Variants in NTM observed in about 807,000 individuals in gnomAD.
NTM encodes the protein IgLON family member 2.
Under a neutral mutation model 42.1 loss-of-function variants are expected in NTM, and 13 were observed. The ratio of observed to expected loss-of-function variants is 0.31; its 90% CI spans 0.20 to 0.49. NTM has a LOEUF of 0.49. Among genes scored for constraint, NTM ranks in the 20% least tolerant of loss-of-function variants. The pLI, the probability that NTM is intolerant of heterozygous loss-of-function variation, is 0.99. For synonymous variants in NTM, 187 were observed against 179.2 expected, an observed-to-expected ratio of 1.04 and a Z score of -0.35; for missense variants, 373 against 452.8, an observed-to-expected ratio of 0.82 and a Z score of 1.60.
chr11:131,472,332 C>G (rs903791072), intron 1 of NTM, among the ~76,000 whole-genome samples: 2 of 152,092 alleles, frequency 1.3e-5, no homozygotes, highest in Non-Finnish European at 2.9e-5. Flanking sequence ...TTTGGGAAGA[C>G]CAGGGACAGA....
chr11:131,605,793 A>G (rs1028617082), intron 1 of NTM: 1 of 985,040 alleles, frequency 1.0e-6, no homozygotes, highest in East Asian at 1.1e-4. Context: ...ATTTGAAGTC[A>G]GCTTCAACAG....
intron 1 of NTM, among the ~76,000 whole-genome samples, chr11:131,594,579 T>C (rs149900523): frequency 3.3e-5 from 5 of 151,720 alleles, no homozygotes; most frequent in Admixed American, 3.3e-4. Flanking sequence ...AAAAAAAAAT[T>C]CTTGAGATGG....
chr11:132,057,798 T>C (rs1195062540), intron 2 of NTM, among the ~76,000 whole-genome samples: 2 of 152,200 alleles, frequency 1.3e-5, no homozygotes, highest in African/African-American at 4.8e-5. Flanking sequence ...TTACTCAAAA[T>C]ATCCTGCAGC....
intron 7 of NTM, among the ~76,000 whole-genome samples, chr11:132,328,307 A>T (rs1160709133): frequency 6.6e-6 from 1 of 152,184 alleles, no homozygotes; most frequent in East Asian, 1.9e-4. Flanking sequence ...AGGTTGAACA[A>T]CTGCTACCTG....
chr11:131,678,437 T>G (rs1279306947), intron 1 of NTM, among the ~76,000 whole-genome samples: 1 of 152,238 alleles, frequency 6.6e-6, no homozygotes, highest in Non-Finnish European at 1.5e-5. Flanking sequence ...TGAGGGCAGC[T>G]GAGGCCCCAA....
At chr11:132,282,268 C>T (rs1040726227) in intron 4 of NTM, among the ~76,000 whole-genome samples, 16 of 152,160 alleles carry the variant, frequency 1.1e-4, no homozygotes, top group African/African-American at 3.4e-4. Flanking sequence ...TTGTTGTAAA[C>T]ATTTTTAAAA....
At chr11:131,588,232 T>G (rs940795048) in intron 1 of NTM, among the ~76,000 whole-genome samples, 2 of 152,228 alleles carry the variant, frequency 1.3e-5, no homozygotes, top group African/African-American at 4.8e-5. Flanking sequence ...TTTGGTCCCT[T>G]GCCAAGCAGG....
At chr11:132,166,508 TAG>T (rs927966928) in intron 3 of NTM, among the ~76,000 whole-genome samples, 34 of 152,242 alleles carry the variant, frequency 2.2e-4, no homozygotes, top group Middle Eastern at 3.4e-3. Context: ...GTGAGTGGAT[TAG>T]AGAGTGCAGT....
chr11:132,270,672 T>G (rs12797398), intron 4 of NTM, among the ~76,000 whole-genome samples: 2 of 151,852 alleles, frequency 1.3e-5, no homozygotes, highest in Admixed American at 6.6e-5. Flanking sequence ...TTTACTTTTT[T>G]GGGGGGTAAT....
chr11:132,238,652 C>T (rs1195755137), intron 4 of NTM, among the ~76,000 whole-genome samples: 2 of 152,098 alleles, frequency 1.3e-5, no homozygotes, highest in Admixed American at 6.6e-5. Flanking sequence ...TGTGGACTCG[C>T]GGAGCTCATT....
intron 2 of NTM, among the ~76,000 whole-genome samples, chr11:132,026,047 G>A (rs1315800597): frequency 6.6e-6 from 1 of 152,158 alleles, no homozygotes; most frequent in Non-Finnish European, 1.5e-5. Context: ...AGTAACACTT[G>A]CCCACAGATG....
chr11:131,592,721 C>T (rs971097983), intron 1 of NTM, among the ~76,000 whole-genome samples: 23 of 151,220 alleles, frequency 1.5e-4, no homozygotes, highest in Non-Finnish European at 1.5e-5. Context: ...GGGCTGTTTC[C>T]TCCTCCTTCC....
intron 2 of NTM, among the ~76,000 whole-genome samples, chr11:132,133,450 C>A (rs2067194397): frequency 6.6e-6 from 1 of 152,172 alleles, no homozygotes; most frequent in African/African-American, 2.4e-5. Context: ...AATAAATGGG[C>A]ATATAATCCC....
At chr11:131,550,140 C>T (rs1168253649) in intron 1 of NTM, among the ~76,000 whole-genome samples, 2 of 152,176 alleles carry the variant, frequency 1.3e-5, no homozygotes, top group South Asian at 2.1e-4. Flanking sequence ...CAATAGATAA[C>T]GACATTAAAT....
chr11:131,997,659 A>G (rs900612703), intron 2 of NTM, among the ~76,000 whole-genome samples: 1 of 152,072 alleles, frequency 6.6e-6, no homozygotes, highest in Non-Finnish European at 1.5e-5. Context: ...TTTCCTTTTT[A>G]TCTTTTCGCT....
intron 4 of NTM, among the ~76,000 whole-genome samples, chr11:132,218,869 G>A (rs1423031774): frequency 6.6e-6 from 1 of 152,176 alleles, no homozygotes; most frequent in Non-Finnish European, 1.5e-5. Flanking sequence ...AGGCAGCAAT[G>A]TGTCTGAAAG....
intron 8 of NTM, among the ~76,000 whole-genome samples, chr11:132,330,599 G>A (rs1295403933): frequency 6.6e-6 from 1 of 152,170 alleles, no homozygotes; most frequent in East Asian, 1.9e-4. Flanking sequence ...TGGAAGGGAA[G>A]TGGCAAGGGG....
At position 131,988,847 on chromosome 11, in the gene NTM, A is replaced by G. The variant is rs550451040; in HGVS notation, c.167+77199A>G. 2.6e-5 allele frequency among the ~76,000 whole-genome samples: 4 copies of G among 152,338 alleles called. No homozygotes were observed. In the East Asian group the frequency reaches 7.7e-4, roughly 29 times the overall value. On this transcript the variant is annotated intron_variant, in intron 2 of 8. Transcript: ENST00000683400. ...TCCATTAAATAGGCTTTATGTGATGAAAACGTAGTACCAAAAACACTGTTA... is the reference window on the plus strand; with the variant it reads ...TCCATTAAATAGGCTTTATGTGATGGAAACGTAGTACCAAAAACACTGTTA...
chr11:131,628,989 G>A (rs2063393354), intron 1 of NTM, among the ~76,000 whole-genome samples: 1 of 152,210 alleles, frequency 6.6e-6, no homozygotes, highest in African/African-American at 2.4e-5. Context: ...ATCTGTGCAT[G>A]GTGTGGTGTG....
Sources: allele counts gnomAD v4.1 joint callset (sites outside exome capture counted in the v4.1 genomes callset), GRCh38; gene constraint gnomAD v4.1.1; transcripts MANE v1.5; gene names NCBI Gene and HGNC (gene_info 2026-07-23, HGNC 2026-07-21).